CDH11: variants seen among roughly 807,000 people sequenced by gnomAD.
CDH11 encodes the protein cadherin-11.
Under a neutral mutation model 67.8 loss-of-function variants are expected in CDH11, and 11 were observed. That is an observed-to-expected ratio of 0.16 (90% CI 0.10 to 0.27). CDH11 has a LOEUF of 0.27. Ranked by LOEUF, CDH11 falls within the 10% of genes least tolerant of loss-of-function variation. The probability of loss-of-function intolerance (pLI) is 1.00; values close to 1 mark genes in which losing one functional copy is unlikely to be tolerated. For missense variants in CDH11, 847 were observed against 1,031.2 expected (o/e 0.82, Z 2.45); for synonymous variants, 419 against 400.0 (o/e 1.05, Z -0.57).
intron 2 of CDH11, among the ~76,000 whole-genome samples, chr16:65,045,587 A>G (rs907722952): frequency 4.6e-5 from 7 of 151,672 alleles, no homozygotes; most frequent in African/African-American, 1.7e-4. Context: ...TACTTCCCTG[A>G]TTTATCTAAT....
At chr16:65,122,615 C>T (rs917168894), upstream of CDH11, among the ~76,000 whole-genome samples, 3 of 152,148 alleles carry the variant, frequency 2.0e-5, no homozygotes, top group Non-Finnish European at 2.9e-5. Flanking sequence ...TCCAAAAATC[C>T]CTCAACGTTG....
chr16:65,018,439 C>A (rs1264761724), intron 2 of CDH11, among the ~76,000 whole-genome samples: 1 of 152,152 alleles, frequency 6.6e-6, no homozygotes, highest in Non-Finnish European at 1.5e-5. Flanking sequence ...CAGACTCTCA[C>A]TGCACTTATG....
At chr16:64,968,931 A>G (rs2071922296) in intron 11 of CDH11, among the ~76,000 whole-genome samples, 1 of 152,304 alleles carries the variant, frequency 6.6e-6, no homozygotes, top group Admixed American at 6.5e-5. Context: ...TAATTATAGG[A>G]CTGTATTTGC....
chr16:64,948,417 T>C (rs766464647), intron 12 of CDH11: 1 of 614,444 alleles, frequency 1.6e-6, no homozygotes, highest in Non-Finnish European at 2.9e-6. Flanking sequence ...TCTAAATATG[T>C]TGGTCTGTAG....
rs1317438316 is a variant in CDH11, at chr16:64,973,055, A to T, written c.1254-15T>A. On this transcript the variant is annotated splice_polypyrimidine_tract_variant and intron_variant, in intron 8 of 12. Transcript: ENST00000268603. Reference sequence around the variant, plus strand: ...CGATGGAATACCTAAGCAGAATGCAAATGAGGCAATTAGACCAAGACATTC... The same window carrying T: ...CGATGGAATACCTAAGCAGAATGCATATGAGGCAATTAGACCAAGACATTC... 6.2e-7 allele frequency: 1 copy of T among 1,612,096 alleles called. No homozygotes were observed. The highest frequency in any genetic ancestry group is 1.3e-5 in the African/African-American group (1 of 74,880).
chr16:64,958,866 A>C (rs1336782201), intron 11 of CDH11, among the ~76,000 whole-genome samples: 4 of 152,170 alleles, frequency 2.6e-5, no homozygotes, highest in Non-Finnish European at 5.9e-5. Context: ...ACCCACAAAC[A>C]ATCAGGGGTA....
intron 1 of CDH11, among the ~76,000 whole-genome samples, chr16:65,097,758 TC>T (rs1455258829): frequency 2.6e-5 from 4 of 152,170 alleles, no homozygotes; most frequent in African/African-American, 9.7e-5. Flanking sequence ...GTAACATCTC[TC>T]CCACAACACA....
intron 8 of CDH11, among the ~76,000 whole-genome samples, chr16:64,975,806 A>T (rs1246329443): frequency 6.6e-6 from 1 of 152,192 alleles, no homozygotes; most frequent in African/African-American, 2.4e-5. Context: ...TCAGCACTAC[A>T]CAATATAACC....
chr16:65,023,853 C>T (rs2073479399), intron 2 of CDH11, among the ~76,000 whole-genome samples: 1 of 152,154 alleles, frequency 6.6e-6, no homozygotes. Flanking sequence ...TGGGTTTTGG[C>T]CAGCTTCTTT....
intron 11 of CDH11, among the ~76,000 whole-genome samples, chr16:64,971,202 CA>C (rs2071995119): frequency 6.6e-6 from 1 of 152,146 alleles, no homozygotes; most frequent in Non-Finnish European, 1.5e-5. Context: ...AATTGCCTTA[CA>C]AAGTTGAACT....
chr16:65,066,046 C>A (rs1429365353), intron 1 of CDH11, among the ~76,000 whole-genome samples: 1 of 152,222 alleles, frequency 6.6e-6, no homozygotes, highest in African/African-American at 2.4e-5. Flanking sequence ...AAGCACCACT[C>A]CATTCTGCCC....
intron 2 of CDH11, among the ~76,000 whole-genome samples, chr16:65,017,439 T>C (rs1284556184): frequency 6.6e-6 from 1 of 152,050 alleles, no homozygotes; most frequent in Non-Finnish European, 1.5e-5. Context: ...GAGTAGAGAG[T>C]AGCTCAGTCA....
At chr16:65,062,379 C>G (rs905536684) in intron 1 of CDH11, among the ~76,000 whole-genome samples, 2 of 152,116 alleles carry the variant, frequency 1.3e-5, no homozygotes, top group Admixed American at 6.6e-5. Flanking sequence ...CACACACACA[C>G]AGAGACACAC....
intron 11 of CDH11, among the ~76,000 whole-genome samples, chr16:64,951,753 C>T (rs530152810): frequency 6.6e-6 from 1 of 152,240 alleles, no homozygotes; most frequent in Non-Finnish European, 1.5e-5. Context: ...ACCTTCAAAC[C>T]TTATGCAAAC....
At chr16:65,001,155 C>CCGAGG (rs1251617405) in intron 3 of CDH11, among the ~76,000 whole-genome samples, 12 of 152,246 alleles carry the variant, frequency 7.9e-5, no homozygotes, top group Admixed American at 7.2e-4. Context: ...TCGGGGGTTA[C>CCGAGG]CTGTAGGTAT....
intron 12 of CDH11, among the ~76,000 whole-genome samples, chr16:64,949,268 T>C (rs544305820): frequency 1.3e-5 from 2 of 152,156 alleles, no homozygotes; most frequent in South Asian, 4.1e-4. Flanking sequence ...TCTATTAACT[T>C]TTTAGGGCTT....
At chr16:64,991,984 G>A in intron 5 of CDH11, 49 bp from the exon 6 acceptor site, 2 of 1,396,564 alleles carry the variant, frequency 1.4e-6, no homozygotes, top group Non-Finnish European at 2.0e-6. Context: ...ATAACATTAT[G>A]ACAACAAGAA....
chr16:64,953,957 T>A (rs1254391967), intron 11 of CDH11, among the ~76,000 whole-genome samples: 2 of 152,228 alleles, frequency 1.3e-5, no homozygotes, highest in Non-Finnish European at 2.9e-5. Context: ...GGGAACAGAA[T>A]ATTTTTATTT....
chr16:65,118,324 C>T lies in CDH11; in HGVS notation c.-298+3556G>A, dbSNP rs949155502. Among the ~76,000 whole-genome samples the T allele has an allele frequency of 1.9e-4, 29 of 152,168 alleles. 1 individual carries two copies. The highest frequency in any genetic ancestry group is 6.8e-4 in the African/African-American group (28 of 41,446). ...TGCTCATAGGGGAGGCTGCGGATGG[C>T]TATCACAGGAATCCTGATGGAACAG... On this transcript the variant is annotated intron_variant, in intron 1 of 12. Transcript: ENST00000268603.
Sources: gnomAD v4.1 joint callset for allele counts (sites outside exome capture counted in the v4.1 genomes callset) on GRCh38, gnomAD v4.1.1 for gene constraint, MANE v1.5 for transcripts, NCBI Gene and HGNC (gene_info 2026-07-23, HGNC 2026-07-21) for gene names.